Variants in CMSS1 observed in about 807,000 individuals in gnomAD.
CMSS1 encodes protein CMSS1.
A neutral mutation model predicts 43.5 loss-of-function variants in CMSS1; 33 were observed. The observed-to-expected ratio is 0.76, with a 90% CI of 0.57 to 1.01. The LOEUF (loss-of-function observed/expected upper bound fraction) is 1.01, where lower values mean the gene tolerates loss of function less well. Among genes scored for constraint, CMSS1 ranks in the 50% least tolerant of loss-of-function variants. The probability of loss-of-function intolerance (pLI) is 0.00; values close to 1 mark genes in which losing one functional copy is unlikely to be tolerated. For missense variants in CMSS1, 313 were observed against 326.4 expected (o/e 0.96, Z 0.32); for synonymous variants, 115 against 117.2 (o/e 0.98, Z 0.12).
At chr3:100,048,399 G>T (rs537914584) in intron 1 of CMSS1, among the ~76,000 whole-genome samples, 1 of 152,294 alleles carries the variant, frequency 6.6e-6, no homozygotes, top group South Asian at 2.1e-4. Context: ...ATTTGCTTGG[G>T]GTGAGTTGGG....
chr3:100,065,249 C>G (rs1452159029), intron 1 of CMSS1, among the ~76,000 whole-genome samples: 2 of 152,070 alleles, frequency 1.3e-5, no homozygotes, highest in Non-Finnish European at 2.9e-5. Context: ...TTAATTAGCT[C>G]CTATGTTTTA....
chr3:100,051,683 A>G (rs1387418282), intron 1 of CMSS1, among the ~76,000 whole-genome samples: 2 of 151,818 alleles, frequency 1.3e-5, no homozygotes, highest in Non-Finnish European at 2.9e-5. Flanking sequence ...AAAGGACATG[A>G]ACTCATCCTT....
At chr3:100,091,385 T>C (rs1471235931) in intron 1 of CMSS1, among the ~76,000 whole-genome samples, 1 of 152,220 alleles carries the variant, frequency 6.6e-6, no homozygotes, top group East Asian at 1.9e-4. Flanking sequence ...ACAAAATGTT[T>C]TAATAAATGA....
intron 1 of CMSS1, among the ~76,000 whole-genome samples, chr3:100,032,969 C>T (rs988425294): frequency 2.6e-5 from 4 of 151,892 alleles, no homozygotes; most frequent in African/African-American, 9.7e-5. Context: ...ACACAAACAC[C>T]AAGTACCAGG....
chr3:100,105,945 G>A (rs2066387909), intron 1 of CMSS1, among the ~76,000 whole-genome samples: 1 of 152,204 alleles, frequency 6.6e-6, no homozygotes, highest in East Asian at 1.9e-4. Flanking sequence ...CATCATCTTG[G>A]AAGTCATTCA....
At chr3:100,126,783 G>T (rs1273924408) in intron 1 of CMSS1, among the ~76,000 whole-genome samples, 1 of 152,172 alleles carries the variant, frequency 6.6e-6, no homozygotes, top group Non-Finnish European at 1.5e-5. Context: ...TGGATCACGA[G>T]GTCAGGAGAT....
intron 1 of CMSS1, among the ~76,000 whole-genome samples, chr3:100,044,213 C>G (rs141520703): frequency 1.5e-4 from 23 of 152,296 alleles, no homozygotes; most frequent in Non-Finnish European, 2.4e-4. Context: ...GATTGAGCGT[C>G]TTCTATGTGC....
intron 1 of CMSS1, among the ~76,000 whole-genome samples, chr3:99,939,481 TCA>T: frequency 6.6e-6 from 1 of 152,222 alleles, no homozygotes; most frequent in East Asian, 1.9e-4. Flanking sequence ...CACCCACAAC[TCA>T]CAAACACATT....
chr3:99,905,408 A>G (rs1393533198), intron 1 of CMSS1, among the ~76,000 whole-genome samples: 1 of 152,146 alleles, frequency 6.6e-6, no homozygotes, highest in Non-Finnish European at 1.5e-5. Context: ...TGCTCTTACT[A>G]GGACTAATCT....
chr3:99,830,882 A>G (rs979695093), intron 1 of CMSS1, among the ~76,000 whole-genome samples: 2 of 152,244 alleles, frequency 1.3e-5, no homozygotes, highest in African/African-American at 4.8e-5. Flanking sequence ...GGACATATAC[A>G]AGAGTAGTGT....
chr3:100,060,080 T>C (rs1559743371), intron 1 of CMSS1, among the ~76,000 whole-genome samples: 1 of 152,034 alleles, frequency 6.6e-6, no homozygotes, highest in Non-Finnish European at 1.5e-5. Context: ...TCCAGGTACA[T>C]GTGCCCTCAG....
At chr3:99,841,158 C>G (rs958160781) in intron 1 of CMSS1, among the ~76,000 whole-genome samples, 49 of 152,344 alleles carry the variant, frequency 3.2e-4, no homozygotes, top group African/African-American at 1.1e-3. Context: ...AGACACTGCG[C>G]ATGTCACTGA....
chr3:100,083,022 G>A (rs1334402300), intron 1 of CMSS1, among the ~76,000 whole-genome samples: 1 of 152,176 alleles, frequency 6.6e-6, no homozygotes, highest in South Asian at 2.1e-4. Flanking sequence ...ACTTTGGGAT[G>A]TGTATATTCT....
intron 1 of CMSS1, among the ~76,000 whole-genome samples, chr3:100,016,263 GCT>G (rs1164707050): frequency 6.6e-6 from 1 of 152,160 alleles, no homozygotes; most frequent in Non-Finnish European, 1.5e-5. Flanking sequence ...TGCGATCTCG[GCT>G]CACTGCAACC....
intron 1 of CMSS1, among the ~76,000 whole-genome samples, chr3:99,932,629 C>G (rs1226171881): frequency 6.6e-6 from 1 of 152,180 alleles, no homozygotes; most frequent in Non-Finnish European, 1.5e-5. Flanking sequence ...ATGGCTCACA[C>G]CTGTAATGCC....
At chr3:100,079,693 T>C (rs1330686634) in intron 1 of CMSS1, among the ~76,000 whole-genome samples, 1 of 152,174 alleles carries the variant, frequency 6.6e-6, no homozygotes, top group African/African-American at 2.4e-5. Context: ...ATTATATGAA[T>C]GCCCCAAACA....
chr3:99,956,707 C>G (rs1178133473), intron 1 of CMSS1, among the ~76,000 whole-genome samples: 2 of 152,104 alleles, frequency 1.3e-5, no homozygotes, highest in Non-Finnish European at 2.9e-5. Context: ...TCAAATACCC[C>G]CTTCCCTTCT....
chr3:99,998,475 A>G (rs1377916063), intron 1 of CMSS1, among the ~76,000 whole-genome samples: 1 of 152,192 alleles, frequency 6.6e-6, no homozygotes, highest in East Asian at 1.9e-4. Context: ...GATTTTTACC[A>G]AGCACAATTT....
chr3:99,862,994 T>C (rs1044884944), intron 1 of CMSS1, among the ~76,000 whole-genome samples: 2 of 152,208 alleles, frequency 1.3e-5, no homozygotes, highest in African/African-American at 4.8e-5. Flanking sequence ...ATTTTTTGGA[T>C]GTGAATGTGT....
Sources: allele counts gnomAD v4.1 joint callset (sites outside exome capture counted in the v4.1 genomes callset), GRCh38; gene constraint gnomAD v4.1.1; transcripts MANE v1.5; gene names NCBI Gene and HGNC (gene_info 2026-07-23, HGNC 2026-07-21).